The following FOCAD variants were observed in gnomAD, a reference collection of about 807,000 sequenced individuals.
FOCAD encodes KIAA1797.
FOCAD carries 198 observed loss-of-function variants against 225.6 expected under a neutral mutation model. The ratio of observed to expected loss-of-function variants is 0.88; its 90% confidence interval spans 0.78 to 0.99. FOCAD has a LOEUF of 0.99. Among genes scored for constraint, FOCAD ranks in the 50% least tolerant of loss-of-function variants. FOCAD has a pLI of 0.00. For synonymous variants in FOCAD, 897 were observed against 755.0 expected, an observed-to-expected ratio of 1.19 and a Z score of -3.08; for missense variants, 2,713 against 2,123.6, an observed-to-expected ratio of 1.28 and a Z score of -5.46.
intron 35 of FOCAD, among the ~76,000 whole-genome samples, chr9:20,960,546 G>A (rs1036726044): frequency 6.6e-6 from 1 of 151,838 alleles, no homozygotes; most frequent in African/African-American, 2.4e-5. Flanking sequence ...TTACTGTGAT[G>A]GTTGTCAAAA....
intron 15 of FOCAD, among the ~76,000 whole-genome samples, chr9:20,841,100 A>G (rs1343617944): frequency 3.3e-5 from 5 of 151,864 alleles, no homozygotes; most frequent in Non-Finnish European, 7.4e-5. Flanking sequence ...TCTTTTTAAT[A>G]TGTTGTTGAA....
intron 35 of FOCAD, among the ~76,000 whole-genome samples, chr9:20,954,177 A>C (rs1352707757): frequency 1.3e-5 from 2 of 152,188 alleles, no homozygotes; most frequent in African/African-American, 4.8e-5. Context: ...GTTGTACATG[A>C]CATATTTATA....
In FOCAD at chr9:20,701,565, A is replaced by G. The variant is rs372552853; in HGVS notation, c.-32-13757A>G. On this transcript the variant is annotated intron_variant, in intron 1 of 43. Coordinates refer to ENST00000338382, the MANE Select transcript of FOCAD (RefSeq NM_001375567.1). ...GTGACAAGAAGTATAGATTTACTAC[A>G]GATTGACAATTGTCGTGATGGAAGT... Among the ~76,000 whole-genome samples, 13 of 152,376 alleles carry G rather than the reference A, an allele frequency of 8.5e-5. No homozygotes were observed. The East Asian group carries it at 2.3e-3, about 27-fold the overall frequency.
intron 35 of FOCAD, among the ~76,000 whole-genome samples, chr9:20,970,000 T>TC (rs1409695574): frequency 6.6e-6 from 1 of 151,564 alleles, no homozygotes; most frequent in Non-Finnish European, 1.5e-5. Context: ...AGTTTTTTTT[T>TC]TTTCTTTCAG....
intron 11 of FOCAD, among the ~76,000 whole-genome samples, chr9:20,816,006 T>C (rs1731193834): frequency 1.3e-5 from 2 of 152,190 alleles, no homozygotes; most frequent in Admixed American, 1.3e-4. Context: ...GAATTTGGGC[T>C]ATTATGCCTT....
intron 5 of FOCAD, among the ~76,000 whole-genome samples, chr9:20,754,131 G>T (rs1828827366): frequency 6.6e-6 from 1 of 151,988 alleles, no homozygotes. Context: ...TTTCTCAGTT[G>T]GATGTACTTG....
At chr9:20,780,386 G>C (rs1443528661) in intron 9 of FOCAD, among the ~76,000 whole-genome samples, 1 of 152,224 alleles carries the variant, frequency 6.6e-6, no homozygotes, top group Admixed American at 6.5e-5. Context: ...ATGTGTAAGA[G>C]AAAGATAATA....
At chr9:20,870,873 A>G (rs1047766309) in intron 18 of FOCAD, among the ~76,000 whole-genome samples, 11 of 152,168 alleles carry the variant, frequency 7.2e-5, no homozygotes, top group Non-Finnish European at 1.3e-4. Flanking sequence ...ATCATGAATC[A>G]AGGAGTATCT....
At chr9:20,944,081 A>G (rs1795871910) in intron 28 of FOCAD, among the ~76,000 whole-genome samples, 2 of 152,238 alleles carry the variant, frequency 1.3e-5, no homozygotes, top group South Asian at 4.1e-4. Flanking sequence ...GTGCACAAAC[A>G]GTTTCTTTAG....
chr9:20,712,283 A>G (rs1824914083), intron 1 of FOCAD, among the ~76,000 whole-genome samples: 1 of 152,182 alleles, frequency 6.6e-6, no homozygotes, highest in East Asian at 1.9e-4. Context: ...TTTTCTTTTT[A>G]GTAAAAAAAC....
intron 5 of FOCAD, among the ~76,000 whole-genome samples, chr9:20,754,043 T>G (rs1828815222): frequency 7.2e-5 from 11 of 152,150 alleles, no homozygotes; most frequent in Admixed American, 7.2e-4. Flanking sequence ...TTCTTCCCTT[T>G]TTTGATCAGT....
At chr9:20,721,488 C>T (rs927145445) in intron 4 of FOCAD, among the ~76,000 whole-genome samples, 6 of 151,962 alleles carry the variant, frequency 3.9e-5, no homozygotes, top group East Asian at 1.9e-4. Context: ...GATCACCTGA[C>T]GTCAGGAGTT....
rs142574510 is a variant in FOCAD at position 20,781,719 on chromosome 9, A to G, written c.995-8A>G. The G allele has an allele frequency of 6.8e-4, 1,091 of 1,612,516 alleles. 11 individuals are homozygous for G. In the East Asian group the frequency reaches 0.017, roughly 25 times the overall value. On this transcript the variant is annotated splice_polypyrimidine_tract_variant and splice_region_variant and intron_variant, in intron 9 of 43. Coordinates refer to ENST00000338382, the MANE Select transcript of FOCAD (RefSeq NM_001375567.1). ...TTTAAAAATGTGCATTATTGTTTTG[A>G]TGAATAGCTTTGAAGCTCCTCTCTG...
intron 21 of FOCAD, among the ~76,000 whole-genome samples, chr9:20,887,920 AT>A (rs1416364353): frequency 6.6e-6 from 1 of 152,004 alleles, no homozygotes; most frequent in African/African-American, 2.4e-5. Context: ...TGTGGTTTTA[AT>A]TTGTGTTTCC....
chr9:20,920,502 A>G (rs1834308753), intron 24 of FOCAD, among the ~76,000 whole-genome samples: 2 of 126,870 alleles, frequency 1.6e-5, no homozygotes, highest in Admixed American at 1.7e-4. Context: ...TGCTATAAAG[A>G]CACATGCACA....
At chr9:20,730,233 A>T (rs1257460628) in intron 4 of FOCAD, among the ~76,000 whole-genome samples, 1 of 152,076 alleles carries the variant, frequency 6.6e-6, no homozygotes, top group Admixed American at 6.6e-5. Context: ...CAGTGACTAG[A>T]TCCATTAATT....
chr9:20,832,082 T>C (rs1825551138), intron 15 of FOCAD, among the ~76,000 whole-genome samples: 1 of 152,050 alleles, frequency 6.6e-6, no homozygotes, highest in African/African-American at 2.4e-5. Flanking sequence ...GCTGTATCAG[T>C]TGATGAACAT....
intron 7 of FOCAD, 122 bp from the exon 8 acceptor site, chr9:20,769,910 A>G: frequency 2.5e-6 from 2 of 812,834 alleles, no homozygotes; most frequent in Non-Finnish European, 3.8e-6. Flanking sequence ...ACTTTTTTTC[A>G]TCTCCTTTAA....
In FOCAD at chr9:20,916,841, A is replaced by G. The variant is rs1480167687; in HGVS notation, c.2808-52A>G. ...ATTAATTGATGAAAAAGAGAAAGGA[A>G]TGATTTCTTGTTCTAACATAAACTC... is the stretch of plus-strand genomic sequence containing the variant. On this transcript the variant is annotated intron_variant, in intron 23 of 43. Coordinates refer to ENST00000338382, the MANE Select transcript of FOCAD (RefSeq NM_001375567.1). The G allele has an allele frequency of 6.0e-6, 9 of 1,503,866 alleles. No homozygotes were observed. In the East Asian group the frequency reaches 1.6e-4, roughly 27 times the overall value. The allele number at this position is 1,503,866 out of a possible 1,614,324, so 93.2% of individuals were successfully genotyped here. A position where few individuals can be genotyped will look rare whatever the true frequency, so the allele number is the denominator to read the frequency against.
Sources: allele counts gnomAD v4.1 joint callset (sites outside exome capture counted in the v4.1 genomes callset), GRCh38; gene constraint gnomAD v4.1.1; transcripts MANE v1.5; gene names NCBI Gene and HGNC (gene_info 2026-07-23, HGNC 2026-07-21).